WDFY2: variants seen among roughly 807,000 people sequenced by gnomAD.
The protein encoded by WDFY2 is WD repeat and FYVE domain containing 2.
Under a neutral mutation model 56.4 loss-of-function variants are expected in WDFY2, and 36 were observed. That is an observed-to-expected ratio of 0.64 (90% CI 0.49 to 0.84). WDFY2 has a LOEUF of 0.84. WDFY2 is among the 40% of genes least tolerant of loss of function. The probability of loss-of-function intolerance (pLI) is 0.00; values close to 1 mark genes in which losing one functional copy is unlikely to be tolerated. For missense variants in WDFY2, 444 were observed against 512.2 expected (o/e 0.87, Z 1.29); for synonymous variants, 176 against 183.7 (o/e 0.96, Z 0.34).
chr13:51,717,127 G>A (rs904147247), intron 4 of WDFY2, among the ~76,000 whole-genome samples: 2 of 152,098 alleles, frequency 1.3e-5, no homozygotes, highest in African/African-American at 4.8e-5. Context: ...CAAGAAAGAT[G>A]TCCCCCTCAC....
chr13:51,605,773 G>A (rs796772947), intron 1 of WDFY2, among the ~76,000 whole-genome samples: 3 of 152,310 alleles, frequency 2.0e-5, no homozygotes, highest in African/African-American at 7.2e-5. Flanking sequence ...GGTATTTGGT[G>A]CATCTGAGAG....
intron 1 of WDFY2, among the ~76,000 whole-genome samples, chr13:51,623,245 G>A (rs780778058): frequency 1.3e-5 from 2 of 151,948 alleles, no homozygotes; most frequent in South Asian, 2.1e-4. Context: ...GAAGGTAGGT[G>A]CTATTAATAT....
chr13:51,604,224 T>C (rs1954342308), intron 1 of WDFY2, among the ~76,000 whole-genome samples: 1 of 152,176 alleles, frequency 6.6e-6, no homozygotes, highest in African/African-American at 2.4e-5. Context: ...CAATTTGTAA[T>C]ATTTATCGAC....
intron 11 of WDFY2, among the ~76,000 whole-genome samples, chr13:51,758,552 TAAA>T (rs35383381): frequency 9.4e-5 from 12 of 127,682 alleles, no homozygotes; most frequent in Admixed American, 2.4e-4. Context: ...CCTCATCTCT[TAAA>T]AAAAAAAAAA....
At chr13:51,584,919 T>TGTA in intron 1 of WDFY2, 95 bp downstream of exon 1, 1 of 1,516,222 alleles carries the variant, frequency 6.6e-7, no homozygotes, top group Non-Finnish European at 8.9e-7. Flanking sequence ...TCGGCGCGAG[T>TGTA]GTAGACTTGC....
intron 1 of WDFY2, among the ~76,000 whole-genome samples, chr13:51,650,888 G>A (rs1593934304): frequency 1.3e-5 from 2 of 152,064 alleles, no homozygotes; most frequent in African/African-American, 2.4e-5. Flanking sequence ...TTTTTGTTGT[G>A]TCTCTGCCAG....
intron 1 of WDFY2, among the ~76,000 whole-genome samples, chr13:51,626,027 G>C (rs1457730375): frequency 2.6e-5 from 4 of 152,228 alleles, no homozygotes; most frequent in South Asian, 2.1e-4. Context: ...AGCATGGCCT[G>C]CTGGCTGGTA....
chr13:51,604,199 G>C (rs1400343313), intron 1 of WDFY2, among the ~76,000 whole-genome samples: 1 of 152,256 alleles, frequency 6.6e-6, no homozygotes, highest in East Asian at 1.9e-4. Context: ...AATTTCTTTA[G>C]AAAATAATAC....
At chr13:51,630,548 G>A (rs550448439) in intron 1 of WDFY2, among the ~76,000 whole-genome samples, 9 of 150,638 alleles carry the variant, frequency 6.0e-5, no homozygotes, top group South Asian at 4.2e-4. Context: ...ACAACTATAC[G>A]TGTGGCACTT....
intron 1 of WDFY2, among the ~76,000 whole-genome samples, chr13:51,638,684 C>T (rs1329911132): frequency 6.6e-6 from 1 of 152,226 alleles, no homozygotes; most frequent in Non-Finnish European, 1.5e-5. Context: ...TTATTACCTA[C>T]ATAACTCCTT....
intron 4 of WDFY2, among the ~76,000 whole-genome samples, chr13:51,704,150 C>T (rs1952039394): frequency 6.6e-6 from 1 of 152,092 alleles, no homozygotes; most frequent in South Asian, 2.1e-4. Context: ...TTGAGGTAGA[C>T]CTTTTAACAC....
intron 1 of WDFY2, among the ~76,000 whole-genome samples, chr13:51,651,014 G>A (rs1476690203): frequency 6.6e-6 from 1 of 152,144 alleles, no homozygotes; most frequent in Non-Finnish European, 1.5e-5. Context: ...TGTACCTCTG[G>A]TAGAATTCGG....
At chr13:51,601,480 T>C (rs1348489599) in intron 1 of WDFY2, among the ~76,000 whole-genome samples, 1 of 151,880 alleles carries the variant, frequency 6.6e-6, no homozygotes, top group Admixed American at 6.6e-5. Context: ...AATGGCGCAA[T>C]CTTGGCTCAC....
intron 10 of WDFY2, among the ~76,000 whole-genome samples, chr13:51,757,588 A>G (rs536065597): frequency 6.6e-6 from 1 of 151,758 alleles, no homozygotes; most frequent in Non-Finnish European, 1.5e-5. Flanking sequence ...CTGTGGAAGC[A>G]CTTGCATTGC....
chr13:51,611,992 G>A (rs1297281606), intron 1 of WDFY2, among the ~76,000 whole-genome samples: 1 of 152,092 alleles, frequency 6.6e-6, no homozygotes, highest in Non-Finnish European at 1.5e-5. Flanking sequence ...GAAAGAGCCA[G>A]CCGTCAAATG....
intron 1 of WDFY2, among the ~76,000 whole-genome samples, chr13:51,635,367 A>T (rs1381531603): frequency 6.6e-6 from 1 of 152,208 alleles, no homozygotes; most frequent in Non-Finnish European, 1.5e-5. Context: ...ACAGAACAGC[A>T]TGTATTTTGT....
chr13:51,722,741 A>T (rs1451188420), intron 5 of WDFY2, among the ~76,000 whole-genome samples: 2 of 152,198 alleles, frequency 1.3e-5, no homozygotes, highest in East Asian at 3.8e-4. Context: ...TTTTTCAGCC[A>T]GCCCTCTGCA....
intron 1 of WDFY2, among the ~76,000 whole-genome samples, chr13:51,603,064 T>A (rs1954317328): frequency 6.6e-6 from 1 of 152,138 alleles, no homozygotes; most frequent in Non-Finnish European, 1.5e-5. Context: ...CATATAGGCC[T>A]GGGACTTTTA....
At chr13:51,728,393 A>T (rs1355503089) in intron 6 of WDFY2, among the ~76,000 whole-genome samples, 2 of 152,172 alleles carry the variant, frequency 1.3e-5, no homozygotes, top group Non-Finnish European at 2.9e-5. Context: ...CCTTTGAAAG[A>T]CTTGATAGAT....
Sources: allele counts gnomAD v4.1 joint callset (sites outside exome capture counted in the v4.1 genomes callset), GRCh38; gene constraint gnomAD v4.1.1; transcripts MANE v1.5; gene names NCBI Gene and HGNC (gene_info 2026-07-23, HGNC 2026-07-21).